METTL15: variants seen among roughly 807,000 people sequenced by gnomAD.
METTL15 encodes methyltransferase 15, mitochondrial 12S rRNA N4-cytidine.
METTL15 carries 34 observed loss-of-function variants against 38.3 expected under a neutral mutation model. That is an observed-to-expected ratio of 0.89 (90% CI 0.68 to 1.18). The LOEUF is 1.18. Ranked by LOEUF, METTL15 falls within the 50% of genes most tolerant of loss-of-function variation. The pLI is 0.00. For synonymous variants in METTL15, 162 were observed against 170.9 expected, an observed-to-expected ratio of 0.95 and a Z score of 0.41; for missense variants, 438 against 498.4, an observed-to-expected ratio of 0.88 and a Z score of 1.15.
At chr11:28,218,997 C>T (rs1205426091) in intron 4 of METTL15, among the ~76,000 whole-genome samples, 1 of 152,284 alleles carries the variant, frequency 6.6e-6, no homozygotes, top group East Asian at 1.9e-4. Flanking sequence ...CGATGTTCAT[C>T]AGGGATATTG....
chr11:28,209,034 T>G (rs1283449721), intron 3 of METTL15, among the ~76,000 whole-genome samples: 1 of 152,004 alleles, frequency 6.6e-6, no homozygotes, highest in Non-Finnish European at 1.5e-5. Context: ...GTAATAGATT[T>G]TTTTTCCCCT....
At chr11:28,182,757 A>G (rs1215208926) in intron 3 of METTL15, among the ~76,000 whole-genome samples, 2 of 152,120 alleles carry the variant, frequency 1.3e-5, no homozygotes, top group Non-Finnish European at 2.9e-5. Flanking sequence ...TTAGTTCCAT[A>G]TGACGTTTAA....
chr11:28,531,277 A>G (rs1370386588), downstream of METTL15, among the ~76,000 whole-genome samples: 1 of 152,062 alleles, frequency 6.6e-6, no homozygotes, highest in African/African-American at 2.4e-5. Context: ...GAGTCTGATT[A>G]TATTTTCTAC....
chr11:28,136,501 C>G (rs377559801), intron 3 of METTL15, among the ~76,000 whole-genome samples: 2 of 152,076 alleles, frequency 1.3e-5, no homozygotes, highest in Non-Finnish European at 2.9e-5. Context: ...TTGGGTATAT[C>G]TTTATTAGCA....
chr11:28,467,213 T>C (rs1851264359), intron 6 of METTL15, among the ~76,000 whole-genome samples: 1 of 152,178 alleles, frequency 6.6e-6, no homozygotes, highest in South Asian at 2.1e-4. Context: ...CCTCTGGTCA[T>C]GGTGGCTTCT....
intron 6 of METTL15, among the ~76,000 whole-genome samples, chr11:28,513,908 T>G (rs1323067746): frequency 1.3e-5 from 2 of 152,230 alleles, no homozygotes; most frequent in Non-Finnish European, 2.9e-5. Context: ...GCGTGGGCAT[T>G]ATGACCATCA....
chr11:28,338,813 A>G (rs11030281), intron 3 of METTL15, among the ~76,000 whole-genome samples: 15,708 of 152,140 alleles, frequency 0.1, 1,462 homozygotes, highest in East Asian at 0.36. Context: ...ATGACAAGAT[A>G]ATTCGGGTTA....
chr11:28,160,795 T>G (rs1338770271), intron 3 of METTL15, among the ~76,000 whole-genome samples: 1 of 152,056 alleles, frequency 6.6e-6, no homozygotes. Context: ...ACCATAATAA[T>G]AAAATAAACA....
At chr11:28,226,302 A>G (rs545410462) in intron 4 of METTL15, among the ~76,000 whole-genome samples, 9 of 152,082 alleles carry the variant, frequency 5.9e-5, no homozygotes, top group African/African-American at 1.2e-4. Flanking sequence ...GTATTCTGCC[A>G]TATCCTTGGG....
At chr11:28,383,757 GTCT>G (rs1244669345) in intron 5 of METTL15, among the ~76,000 whole-genome samples, 3 of 151,966 alleles carry the variant, frequency 2.0e-5, no homozygotes, top group Non-Finnish European at 4.4e-5. Context: ...CCATGTGTAT[GTCT>G]TCTTTTCAAA....
At chr11:28,400,585 C>T (rs1263842538) in intron 5 of METTL15, among the ~76,000 whole-genome samples, 1 of 151,878 alleles carries the variant, frequency 6.6e-6, no homozygotes, top group East Asian at 1.9e-4. Flanking sequence ...TCCCCCCATC[C>T]CTCACCCCTC....
At chr11:28,418,371 T>G (rs992721496) in intron 5 of METTL15, among the ~76,000 whole-genome samples, 5 of 152,160 alleles carry the variant, frequency 3.3e-5, no homozygotes, top group Non-Finnish European at 5.9e-5. Flanking sequence ...TATGTCTCAG[T>G]AAAATGGGAT....
At chr11:28,211,289 G>T in intron 4 of METTL15, 91 bp downstream of exon 4, 2 of 1,197,660 alleles carry the variant, frequency 1.7e-6, no homozygotes, top group East Asian at 2.6e-5. Flanking sequence ...GCTTTGCATG[G>T]GCTATATTTT....
intron 4 of METTL15, among the ~76,000 whole-genome samples, chr11:28,289,136 C>A (rs1453862340): frequency 6.6e-6 from 1 of 152,042 alleles, no homozygotes; most frequent in Admixed American, 6.6e-5. Context: ...AAGAACAGGG[C>A]AATTTGTTGA....
At chr11:28,139,818 G>T (rs1253686757) in intron 3 of METTL15, among the ~76,000 whole-genome samples, 1 of 151,840 alleles carries the variant, frequency 6.6e-6, no homozygotes, top group Non-Finnish European at 1.5e-5. Context: ...TGTTAGAAAA[G>T]AAAAGAAAAA....
intron 4 of METTL15, among the ~76,000 whole-genome samples, chr11:28,218,987 C>T (rs866384903): frequency 5.9e-5 from 9 of 152,060 alleles, no homozygotes; most frequent in Non-Finnish European, 8.8e-5. Flanking sequence ...ATTTTTGCAT[C>T]GATGTTCATC....
At chr11:28,479,450 G>C (rs1465003945) in intron 6 of METTL15, among the ~76,000 whole-genome samples, 1 of 152,098 alleles carries the variant, frequency 6.6e-6, no homozygotes, top group Non-Finnish European at 1.5e-5. Flanking sequence ...TTTTCTGTAA[G>C]AGTTGTCTCT....
At chr11:28,441,100 C>A (rs1851031301) in intron 6 of METTL15, among the ~76,000 whole-genome samples, 1 of 146,398 alleles carries the variant, frequency 6.8e-6, no homozygotes, top group African/African-American at 2.5e-5. Context: ...TAATGTGGTA[C>A]ATTACCAAAA....
intron 3 of METTL15, among the ~76,000 whole-genome samples, chr11:28,188,452 A>C (rs1342029702): frequency 6.6e-6 from 1 of 151,282 alleles, no homozygotes; most frequent in East Asian, 1.9e-4. Context: ...CTCTGAATGA[A>C]GAGTTGATGT....
Sources: allele counts gnomAD v4.1 joint callset (sites outside exome capture counted in the v4.1 genomes callset), GRCh38; gene constraint gnomAD v4.1.1; transcripts MANE v1.5; gene names NCBI Gene and HGNC (gene_info 2026-07-23, HGNC 2026-07-21).